The following PARP14 variants were observed in gnomAD, a reference collection of about 807,000 sequenced individuals.
PARP14 encodes the protein protein mono-ADP-ribosyltransferase PARP14.
Under a neutral mutation model 154.2 loss-of-function variants are expected in PARP14, and 59 were observed. That is an observed-to-expected ratio of 0.38 (90% CI 0.31 to 0.48). The LOEUF (loss-of-function observed/expected upper bound fraction) is 0.48, where lower values mean the gene tolerates loss of function less well. PARP14 is among the 20% of genes least tolerant of loss of function. The pLI is 0.98. For missense variants in PARP14, 1,734 were observed against 2,131.6 expected (o/e 0.81, Z 3.67); for synonymous variants, 720 against 780.5 (o/e 0.92, Z 1.29).
In PARP14 at chr3:122,687,099, A is replaced by T. The variant is rs1250729121; in HGVS notation, c.341A>T (p.Asp114Val). Reference sequence around the variant, plus strand: ...TTTCAGGAATCCAAGACCAAAGAAGATGTTAAAGAACCAGGTAAAATCTCA... The same window carrying T: ...TTTCAGGAATCCAAGACCAAAGAAGTTGTTAAAGAACCAGGTAAAATCTCA... ...LLTKESKTKEDVKEPDVSEEL... is the reference protein window; with the variant it reads ...LLTKESKTKEVVKEPDVSEEL... Residue 114 changes from aspartate (D) to valine (V), a missense_variant, in exon 3 of 17, where the codon GAT becomes GTT. Physicochemically the swap from Asp to Val is radical, Grantham distance 152. Around this residue, in one of 2 missense-constraint regions of PARP14, gnomAD observed 1,646 missense variants for 1,976.0 expected, o/e 0.83. Coordinates refer to ENST00000474629, the MANE Select transcript of PARP14 (RefSeq NM_017554.3). 4.4e-6 allele frequency: 7 copies of T among 1,595,466 alleles called. No homozygotes were observed. The highest frequency in any genetic ancestry group is 2.2e-5 in the East Asian group (1 of 44,602).
At chr3:122,717,430 C>T (rs1169845251) in intron 12 of PARP14, among the ~76,000 whole-genome samples, 5 of 152,180 alleles carry the variant, frequency 3.3e-5, no homozygotes, top group African/African-American at 1.2e-4. Flanking sequence ...CAGGTGGCTA[C>T]CTTGAATCCT....
intron 3 of PARP14, among the ~76,000 whole-genome samples, chr3:122,688,351 G>T (rs536698261): frequency 2.0e-5 from 3 of 152,224 alleles, no homozygotes; most frequent in South Asian, 2.1e-4. Flanking sequence ...CCTTAACTCT[G>T]TCTTAACTGA....
intron 12 of PARP14, among the ~76,000 whole-genome samples, chr3:122,715,581 C>A (rs1932972842): frequency 6.6e-6 from 1 of 151,290 alleles, no homozygotes; most frequent in Non-Finnish European, 1.5e-5. Flanking sequence ...TTTCTCCTAT[C>A]TCTCTCTACC....
rs773080721 is a variant in PARP14 at position 122,700,858 on chromosome 3, G to C, written c.2304G>C (p.Leu768Phe). Residue 768 changes from leucine (L) to phenylalanine (F), a missense_variant, in exon 6 of 17, where the codon TTG (leucine) becomes TTC (phenylalanine). Physicochemically the swap from Leu to Phe is conservative, Grantham distance 22. Around this residue, in one of 2 missense-constraint regions of PARP14, gnomAD observed 1,646 missense variants for 1,976.0 expected, o/e 0.83. Transcript: ENST00000474629. The stretch of plus-strand genomic sequence containing the variant: ...TTTATCAAAGTGAGATCAAACGGTT[G>C]TTTGGTTGTTACATTGAACTACAGG... ...ARFYQSEIKR[L>F]FGCYIELQEN... 2 of 1,613,942 alleles carry C rather than the reference G, an allele frequency of 1.2e-6. No individual in the cohort carries two copies. The highest frequency in any genetic ancestry group is 2.2e-5 in the East Asian group (1 of 44,900).
rs1933331225 is a variant in PARP14, at chr3:122,727,950, C to T, written c.5080C>T (p.Arg1694Ter). Residue 1694 changes from arginine (R) to a stop codon, truncating the protein, a stop_gained, in exon 16 of 17, where the codon CGA (arginine) becomes TGA (stop). Transcript: ENST00000474629. LOFTEE classifies it low-confidence loss of function (END_TRUNC). ...TGCCGGCTCCGTGCCACACGTCAATCGAAATGGCTTTAACCGCAGCTATGC... is the reference window on the plus strand; with the variant it reads ...TGCCGGCTCCGTGCCACACGTCAATTGAAATGGCTTTAACCGCAGCTATGC... The part of the protein sequence containing the change: ...TDAGSVPHVN[R>*]NGFNRSYAGK... The T allele has an allele frequency of 5.0e-6, 8 of 1,613,062 alleles. No homozygotes were observed. The highest frequency in any genetic ancestry group is 1.7e-4 in the Middle Eastern group (1 of 6,056).
chr3:122,728,827 T>G lies in PARP14; in HGVS notation c.*230T>G. 2.2e-6 allele frequency: 1 copy of G among 464,860 alleles called. No individual in the cohort carries two copies. Among genetic ancestry groups the G allele is most frequent in the Middle Eastern group, 5.9e-4 (1 of 1,696 alleles). 28.8% of individuals were successfully genotyped at this position (464,860 alleles called of 1,614,324 possible). ...TTAAATGAGATAATGCAGTTGCAAC[T>G]GTGTGTCCACAAGTATGGACATCAA... On this transcript the variant is annotated 3_prime_UTR_variant, in exon 17 of 17. Transcript: ENST00000474629.
At chr3:122,722,951 C>T (rs1466885468) in intron 15 of PARP14, among the ~76,000 whole-genome samples, 2 of 149,578 alleles carry the variant, frequency 1.3e-5, no homozygotes, top group Non-Finnish European at 3.0e-5. Flanking sequence ...TTTTTTTTTC[C>T]CCGAGACGGA....
At chr3:122,721,815 T>C (rs984985910) in intron 15 of PARP14, 2 of 152,246 alleles carry the variant, frequency 1.3e-5, no homozygotes, top group African/African-American at 4.8e-5. Flanking sequence ...ACACTGTTTA[T>C]TCATGTTGTT....
intron 8 of PARP14, among the ~76,000 whole-genome samples, 189 bp downstream of exon 8, chr3:122,704,937 T>G (rs937578975): frequency 9.2e-5 from 14 of 152,234 alleles, no homozygotes; most frequent in African/African-American, 3.4e-4. Flanking sequence ...AGAAAAAATT[T>G]AACTTCCTAT....
chr3:122,718,258 T>C lies in PARP14; in HGVS notation c.4188T>C (p.Ser1396=), dbSNP rs1306850811. The C allele has an allele frequency of 1.9e-6, 3 of 1,613,416 alleles. No individual in the cohort carries two copies. The Admixed American group carries it at 5.0e-5, about 27-fold the overall frequency. Residue 1396 remains serine (S), a synonymous_variant, in exon 13 of 17, where the codon TCT becomes TCC. Coordinates refer to ENST00000474629, the MANE Select transcript of PARP14 (RefSeq NM_017554.3). Reference sequence around the variant, plus strand: ...GGACTCAGCTTTCTTCCCAACAGTCTGTGATGTCTAAACTTGCATGTGAGT... The same window carrying C: ...GGACTCAGCTTTCTTCCCAACAGTCCGTGATGTCTAAACTTGCATGTGAGT... The part of the protein sequence containing the change: ...REGTQLSSQQ[S]VMSKLASFLG...
At position 122,708,173 on chromosome 3, in the gene PARP14, C is replaced by T. The variant is rs1939218649; in HGVS notation, c.3541-17C>T. On this transcript the variant is annotated splice_polypyrimidine_tract_variant and intron_variant, in intron 8 of 16. Transcript: ENST00000474629. ...TTACTGAGGAGTGTAATGATCAACG[C>T]TGTGTTTATATTTCAGGCATTTTCA... 7.0e-7 allele frequency: 1 copy of T among 1,426,182 alleles called. No individual in the cohort carries two copies. Among genetic ancestry groups the T allele is most frequent in the Non-Finnish European group, 9.7e-7 (1 of 1,029,984 alleles). The allele number at this position is 1,426,182 out of a possible 1,614,324, so 88.3% of individuals were successfully genotyped here.
intron 14 of PARP14, 72 bp downstream of exon 14, chr3:122,719,030 C>CA: frequency 1.5e-6 from 2 of 1,347,292 alleles, no homozygotes; most frequent in Non-Finnish European, 2.0e-6. Flanking sequence ...TTGGTACGTA[C>CA]ATCAGAATTT....
chr3:122,708,825 C>A (rs193210191), intron 9 of PARP14, among the ~76,000 whole-genome samples: 1 of 151,974 alleles, frequency 6.6e-6, no homozygotes, highest in African/African-American at 2.4e-5. Flanking sequence ...ATGCCTACCC[C>A]CCTCAATCCC....
intron 7 of PARP14, 59 bp downstream of exon 7, chr3:122,704,037 G>T (rs1205293228): frequency 9.0e-7 from 1 of 1,115,140 alleles, no homozygotes; most frequent in African/African-American, 1.5e-5. Flanking sequence ...TCTCCTTTTA[G>T]TAGCATATTA....
chr3:122,693,257 A>C (rs541552512), intron 4 of PARP14, among the ~76,000 whole-genome samples: 1 of 152,158 alleles, frequency 6.6e-6, no homozygotes, highest in South Asian at 2.1e-4. Context: ...CTTTAAGGTA[A>C]TTGTCAGGAA....
intron 1 of PARP14, among the ~76,000 whole-genome samples, chr3:122,682,315 T>C (rs558081818): frequency 6.6e-6 from 1 of 152,248 alleles, no homozygotes; most frequent in South Asian, 2.1e-4. Context: ...CTTTCTCCTT[T>C]AGATTCCATT....
In PARP14 at chr3:122,695,530, C is replaced by T. The variant is rs374190264; in HGVS notation, c.703C>T (p.Leu235=). The part of the protein sequence containing the change: ...EVTNTIRVEN[L]PPGADDYSLK... ...GACAAACACAATCAGGGTTGAAAAC[C>T]TGCCACCTGGTGCTGATGACTACAG... Residue 235 remains leucine, a synonymous_variant, in exon 5 of 17, where the codon CTG becomes TTG. Coordinates refer to ENST00000474629, the MANE Select transcript of PARP14 (RefSeq NM_017554.3). 6.2e-7 allele frequency: 1 copy of T among 1,609,500 alleles called. No homozygotes were observed. The highest frequency in any genetic ancestry group is 8.5e-7 in the Non-Finnish European group (1 of 1,176,708).
At chr3:122,683,251 C>T (rs777343449) in intron 1 of PARP14, 1 of 973,014 alleles carries the variant, frequency 1.0e-6, no homozygotes, top group Non-Finnish European at 1.2e-6. Flanking sequence ...GAAGTGCATT[C>T]TTCTTCTGCA....
At position 122,699,797 on chromosome 3, in the gene PARP14, A is replaced by T; in HGVS notation, c.1243A>T (p.Asn415Tyr). The T allele has an allele frequency of 6.2e-7, 1 of 1,614,006 alleles. No homozygotes were observed. The highest frequency in any genetic ancestry group is 8.5e-7 in the Non-Finnish European group (1 of 1,179,862). The change falls in exon 6 of 17, where the codon AAT becomes TAT. Residue 415 changes from asparagine to tyrosine, a missense_variant. Transcript: ENST00000474629. ...VDPTMWDTIK[N>Y]DVKDDRILIE... ...TCCAACAATGTGGGACACCATAAAA[A>T]ATGATGTGAAAGATGACAGGATTTT...
Sources: allele counts gnomAD v4.1 joint callset (sites outside exome capture counted in the v4.1 genomes callset), GRCh38; gene constraint gnomAD v4.1.1; regional missense constraint gnomAD v4.1.1; transcripts MANE v1.5; gene names NCBI Gene and HGNC (gene_info 2026-07-23, HGNC 2026-07-21).